Variants in OMA1 observed in about 807,000 individuals in gnomAD.
OMA1 encodes the protein metalloendopeptidase OMA1, mitochondrial.
OMA1 carries 38 observed loss-of-function variants against 30.9 expected under a neutral mutation model. The observed-to-expected ratio is 1.23, with a 90% CI of 0.95 to 1.61. OMA1 has a LOEUF of 1.61. Among genes scored for constraint, OMA1 ranks in the 40% most tolerant of loss-of-function variants. OMA1 has a pLI of 0.00. For missense variants in OMA1, 461 were observed against 349.2 expected, an observed-to-expected ratio of 1.32 and a Z score of -2.55; for synonymous variants, 173 against 121.9, an observed-to-expected ratio of 1.42 and a Z score of -2.76.
intron 1 of OMA1, chr1:58,541,629 A>AC (rs1557461108): frequency 1.4e-5 from 2 of 146,508 alleles, no homozygotes; most frequent in Non-Finnish European, 3.0e-5. Context: ...AAAAAAAAAA[A>AC]AAAAAAAAAA....
chr1:58,483,189 C>A (rs1399427076), intron 8 of OMA1, among the ~76,000 whole-genome samples: 1 of 152,200 alleles, frequency 6.6e-6, no homozygotes, highest in African/African-American at 2.4e-5. Flanking sequence ...CCTAGCTTAT[C>A]TGGCACTGTA....
chr1:58,534,938 T>C (rs929569463), intron 3 of OMA1, among the ~76,000 whole-genome samples: 2 of 152,120 alleles, frequency 1.3e-5, no homozygotes, highest in East Asian at 1.9e-4. Flanking sequence ...GGAGATCCCA[T>C]CTCAAAAAGA....
At chr1:58,508,387 A>G (rs996504750) in intron 7 of OMA1, among the ~76,000 whole-genome samples, 3 of 152,212 alleles carry the variant, frequency 2.0e-5, no homozygotes, top group Admixed American at 6.5e-5. Context: ...ACATGAACAC[A>G]CTGATTCAAC....
chr1:58,484,268 A>C (rs960185243), intron 8 of OMA1, among the ~76,000 whole-genome samples: 1 of 152,198 alleles, frequency 6.6e-6, no homozygotes, highest in Non-Finnish European at 1.5e-5. Context: ...ACCCTGCTAT[A>C]AAAACTTTTC....
At chr1:58,523,185 T>C (rs1646294074) in intron 7 of OMA1, among the ~76,000 whole-genome samples, 1 of 152,198 alleles carries the variant, frequency 6.6e-6, no homozygotes, top group Non-Finnish European at 1.5e-5. Context: ...GCTCTTGAAT[T>C]TCTCTAAGAT....
In OMA1 at chr1:58,539,044, C is replaced by T; in HGVS notation, c.251G>A (p.Ser84Asn). 2.3e-6 allele frequency: 2 copies of T among 872,904 alleles called. No individual in the cohort carries two copies. The highest frequency in any genetic ancestry group is 4.0e-6 in the Non-Finnish European group (2 of 501,648). 54.1% of individuals were successfully genotyped at this position (872,904 alleles called of 1,614,324 possible). ...FNNKRTGGLS[S>N]TKSKEIWRIT... ...CCTCCAAATTTCCTTACTTTTGGTA[C>T]TTGAGAGGCCTCCTGTTCTTTTGTT... The change falls in exon 2 of 9, where the codon AGT becomes AAT. Residue 84 changes from serine (S) to asparagine (N), a missense_variant. Physicochemically the swap from Ser to Asn is conservative, Grantham distance 46. Coordinates refer to ENST00000371226, the MANE Select transcript of OMA1 (RefSeq NM_145243.5).
chr1:58,540,175 TAGAG>T (rs1646584414), intron 1 of OMA1, among the ~76,000 whole-genome samples: 1 of 151,796 alleles, frequency 6.6e-6, no homozygotes, highest in African/African-American at 2.4e-5. Flanking sequence ...GCCTCAACAT[TAGAG>T]AAAGATTAGT....
chr1:58,520,883 A>G (rs1419208176), intron 7 of OMA1, among the ~76,000 whole-genome samples: 2 of 152,202 alleles, frequency 1.3e-5, no homozygotes, highest in Non-Finnish European at 2.9e-5. Context: ...ACCTCTCTTG[A>G]TAACTACAAA....
chr1:58,541,806 TC>T lies in OMA1; in HGVS notation c.-16-2497del, dbSNP rs568189835. Among the ~76,000 whole-genome samples, 10 of 152,256 alleles carry T rather than the reference TC, an allele frequency of 6.6e-5. No homozygotes were observed. The South Asian group carries it at 1.9e-3, about 28-fold the overall frequency. The stretch of plus-strand genomic sequence containing the variant: ...AGGATCTGTTCATGATAAATAAAAC[TC>T]ACTTTCAAATTGTACAGCAAAGGTA... On this transcript the variant is annotated intron_variant, in intron 1 of 8. Coordinates refer to ENST00000371226, the MANE Select transcript of OMA1 (RefSeq NM_145243.5).
At chr1:58,497,266 G>A (rs1645819689) in intron 8 of OMA1, among the ~76,000 whole-genome samples, 1 of 152,088 alleles carries the variant, frequency 6.6e-6, no homozygotes, top group South Asian at 2.1e-4. Flanking sequence ...AAAGTCAAAA[G>A]GACTTTAGGG....
At chr1:58,513,254 G>C (rs2100432471) in intron 7 of OMA1, among the ~76,000 whole-genome samples, 1 of 152,288 alleles carries the variant, frequency 6.6e-6, no homozygotes, top group South Asian at 2.1e-4. Flanking sequence ...CTTCTGCTAT[G>C]TAAGACATAC....
At chr1:58,546,385 C>G (rs947720010) in intron 1 of OMA1, among the ~76,000 whole-genome samples, 22 of 152,286 alleles carry the variant, frequency 1.4e-4, no homozygotes, top group Admixed American at 1.2e-3. Flanking sequence ...GGGCAGGCGG[C>G]CCACGAAAGT....
At chr1:58,500,091 TA>T (rs1645881681) in intron 8 of OMA1, among the ~76,000 whole-genome samples, 1 of 152,188 alleles carries the variant, frequency 6.6e-6, no homozygotes. Flanking sequence ...CATGTTTTTC[TA>T]AAATATCATT....
intron 7 of OMA1, among the ~76,000 whole-genome samples, chr1:58,521,741 T>C (rs2100453781): frequency 6.6e-6 from 1 of 152,264 alleles, no homozygotes; most frequent in South Asian, 2.1e-4. Flanking sequence ...TAGTTCTATA[T>C]CTATTAAAGA....
At chr1:58,536,399 A>G (rs556512357) in intron 3 of OMA1, 114 bp downstream of exon 3, 1 of 635,840 alleles carries the variant, frequency 1.6e-6, no homozygotes, top group East Asian at 2.7e-5. Context: ...AAAAAATGCT[A>G]ATTTCATATC....
At chr1:58,505,277 C>T (rs1165064197) in intron 8 of OMA1, among the ~76,000 whole-genome samples, 1 of 152,188 alleles carries the variant, frequency 6.6e-6, no homozygotes, top group Admixed American at 6.5e-5. Context: ...TTGTGCTATG[C>T]CTTAGCACAT....
intron 8 of OMA1, among the ~76,000 whole-genome samples, chr1:58,504,958 TTC>T (rs1491173541): frequency 6.6e-6 from 1 of 152,106 alleles, no homozygotes; most frequent in Non-Finnish European, 1.5e-5. Flanking sequence ...TGAAAGATAC[TTC>T]TTTTTTTTTT....
At chr1:58,534,797 G>A (rs1338816674) in intron 3 of OMA1, among the ~76,000 whole-genome samples, 2 of 152,132 alleles carry the variant, frequency 1.3e-5, no homozygotes, top group South Asian at 2.1e-4. Flanking sequence ...TTAGCCAGGC[G>A]TGGTGGCATG....
chr1:58,518,866 T>C (rs549135099), intron 7 of OMA1, among the ~76,000 whole-genome samples: 17 of 152,324 alleles, frequency 1.1e-4, no homozygotes, highest in African/African-American at 4.1e-4. Context: ...ATTTTAATTA[T>C]ATTAAGTGTA....
Sources: allele counts gnomAD v4.1 joint callset (sites outside exome capture counted in the v4.1 genomes callset), GRCh38; gene constraint gnomAD v4.1.1; transcripts MANE v1.5; gene names NCBI Gene and HGNC (gene_info 2026-07-23, HGNC 2026-07-21).